Variants in CDH13 observed in about 807,000 individuals in gnomAD.
CDH13 encodes cadherin 13.
A neutral mutation model predicts 63.8 loss-of-function variants in CDH13; 24 were observed. That is an observed-to-expected ratio of 0.38 (90% CI 0.27 to 0.53). CDH13 has a LOEUF of 0.53. Among genes scored for constraint, CDH13 ranks in the 20% least tolerant of loss-of-function variants. The probability of loss-of-function intolerance (pLI) is 0.85; values close to 1 mark genes in which losing one functional copy is unlikely to be tolerated. For synonymous variants in CDH13, 503 were observed against 355.3 expected (o/e 1.42, Z -4.67); for missense variants, 1,049 against 903.1 (o/e 1.16, Z -2.07).
At chr16:82,673,616 A>G (rs1913553110) in intron 1 of CDH13, among the ~76,000 whole-genome samples, 1 of 152,246 alleles carries the variant, frequency 6.6e-6, no homozygotes, top group Admixed American at 6.5e-5. Context: ...ACAGCACAAC[A>G]AAAAGGTTTT....
chr16:83,674,419 C>A lies in CDH13; in HGVS notation c.1284+3447C>A, dbSNP rs150143566. The stretch of plus-strand genomic sequence containing the variant: ...AATGAGAGAAGGTGCTCTTATGAGA[C>A]CCTCTCCTCTTATCGGGGCAGAAAA... On this transcript the variant is annotated intron_variant, in intron 9 of 13. Coordinates refer to ENST00000567109, the MANE Select transcript of CDH13 (RefSeq NM_001257.5). Among the ~76,000 whole-genome samples the A allele has an allele frequency of 3.5e-3, 526 of 152,320 alleles. 6 individuals carry two copies. The highest frequency in any genetic ancestry group is 0.012 in the African/African-American group (497 of 41,580).
At chr16:83,222,426 G>A (rs1359228862) in intron 5 of CDH13, among the ~76,000 whole-genome samples, 7 of 152,164 alleles carry the variant, frequency 4.6e-5, no homozygotes, top group Non-Finnish European at 1.5e-5. Context: ...GCCGTCATGC[G>A]GAAATAGGTG....
chr16:82,748,880 C>CT, intron 1 of CDH13, among the ~76,000 whole-genome samples: 1 of 152,150 alleles, frequency 6.6e-6, no homozygotes, highest in Non-Finnish European at 1.5e-5. Flanking sequence ...AAATATGTGC[C>CT]TTGGTCATCC....
chr16:83,075,605 A>G (rs564399785), intron 3 of CDH13, among the ~76,000 whole-genome samples: 2 of 152,210 alleles, frequency 1.3e-5, no homozygotes, highest in African/African-American at 4.8e-5. Context: ...ATGAACTTTG[A>G]TGTTCTGTGT....
Position 83,161,267 on chromosome 16 carries a change from T to C in CDH13, c.483+35766T>C, listed in dbSNP as rs140392954. Among the ~76,000 whole-genome samples, 48 of 152,322 alleles carry C rather than the reference T, an allele frequency of 3.2e-4. No homozygotes were observed. The East Asian group carries it at 8.7e-3, about 28-fold the overall frequency. On this transcript the variant is annotated intron_variant, in intron 4 of 13. Coordinates refer to ENST00000567109, the MANE Select transcript of CDH13 (RefSeq NM_001257.5). ...GATTTGAGTAAAAGACAGAGAATCA[T>C]GTCTGTAATCCTAGCACTTTGGGAG... is the stretch of plus-strand genomic sequence containing the variant.
chr16:83,754,132 A>G (rs1020961985), intron 11 of CDH13, among the ~76,000 whole-genome samples: 5 of 152,164 alleles, frequency 3.3e-5, no homozygotes, highest in African/African-American at 9.7e-5. Flanking sequence ...TAAAGGACAG[A>G]GTGAAATCTC....
At chr16:83,616,991 T>C (rs1410372724) in intron 8 of CDH13, among the ~76,000 whole-genome samples, 1 of 152,194 alleles carries the variant, frequency 6.6e-6, no homozygotes, top group Non-Finnish European at 1.5e-5. Flanking sequence ...AATTTATCCT[T>C]CACCACCCAA....
chr16:83,303,926 A>G (rs2089811489), intron 5 of CDH13, among the ~76,000 whole-genome samples: 2 of 152,186 alleles, frequency 1.3e-5, no homozygotes, highest in Non-Finnish European at 2.9e-5. Flanking sequence ...CACAATGACC[A>G]GGGAAGGTTT....
intron 13 of CDH13, among the ~76,000 whole-genome samples, chr16:83,785,740 G>C (rs1915836919): frequency 6.6e-6 from 1 of 152,064 alleles, no homozygotes; most frequent in Non-Finnish European, 1.5e-5. Context: ...GAAGCACCTG[G>C]GGAACTTTTA....
At chr16:82,915,000 T>G (rs1056764060) in intron 2 of CDH13, among the ~76,000 whole-genome samples, 13 of 152,204 alleles carry the variant, frequency 8.5e-5, no homozygotes, top group African/African-American at 3.1e-4. Flanking sequence ...GAAGCCAGTG[T>G]TAAATTTGCA....
chr16:83,008,718 G>A (rs1913806036), intron 2 of CDH13, among the ~76,000 whole-genome samples: 1 of 152,164 alleles, frequency 6.6e-6, no homozygotes, highest in Admixed American at 6.5e-5. Flanking sequence ...AGATCATGGT[G>A]GCCTGTGCCA....
chr16:82,658,649 G>C (rs953293172), intron 1 of CDH13, among the ~76,000 whole-genome samples: 1 of 152,072 alleles, frequency 6.6e-6, no homozygotes, highest in Non-Finnish European at 1.5e-5. Context: ...GATCTCCAAG[G>C]GTGGTTGCGT....
chr16:83,177,151 G>A (rs956337477), intron 4 of CDH13, among the ~76,000 whole-genome samples: 1 of 152,184 alleles, frequency 6.6e-6, no homozygotes, highest in Non-Finnish European at 1.5e-5. Flanking sequence ...ATAGCCACAT[G>A]TGGCTAGTGG....
chr16:83,525,220 A>T (rs2074934035), intron 7 of CDH13, among the ~76,000 whole-genome samples: 1 of 152,188 alleles, frequency 6.6e-6, no homozygotes, highest in Non-Finnish European at 1.5e-5. Flanking sequence ...CGGATTGACC[A>T]GGCACCTGAA....
At chr16:83,329,215 G>T (rs762339896) in intron 5 of CDH13, among the ~76,000 whole-genome samples, 25 of 151,964 alleles carry the variant, frequency 1.6e-4, no homozygotes, top group African/African-American at 4.8e-5. Flanking sequence ...CAAATTAAAG[G>T]GTTTCTTGTT....
intron 1 of CDH13, among the ~76,000 whole-genome samples, chr16:82,714,737 AAAG>A (rs2032233386): frequency 1.4e-5 from 2 of 144,422 alleles, no homozygotes; most frequent in Non-Finnish European, 3.0e-5. Context: ...AAAAAAAAAA[AAAG>A]ACACAACGAC....
At chr16:82,868,171 G>A (rs2040217692) in intron 2 of CDH13, among the ~76,000 whole-genome samples, 1 of 152,200 alleles carries the variant, frequency 6.6e-6, no homozygotes, top group South Asian at 2.1e-4. Context: ...CTGTTGCGAT[G>A]TGCCAAGGAA....
In CDH13 at chr16:83,524,739, A is replaced by G. The variant is rs556062665; in HGVS notation, c.960+38084A>G. ...AGTGCTGGGATTACAGGTGTGAGCCACCTCGCCCGGCCAAATTGCATGTCT... is the reference window on the plus strand; with the variant it reads ...AGTGCTGGGATTACAGGTGTGAGCCGCCTCGCCCGGCCAAATTGCATGTCT... On this transcript the variant is annotated intron_variant, in intron 7 of 13. Transcript: ENST00000567109. Among the ~76,000 whole-genome samples the G allele has an allele frequency of 1.6e-3, 238 of 152,076 alleles. 2 individuals carry two copies. The highest frequency in any genetic ancestry group is 5.5e-3 in the African/African-American group (227 of 41,490).
At chr16:83,124,721 G>C (rs2035735031) in intron 3 of CDH13, among the ~76,000 whole-genome samples, 1 of 151,946 alleles carries the variant, frequency 6.6e-6, no homozygotes, top group Non-Finnish European at 1.5e-5. Context: ...TTCACTCTTA[G>C]GTATATGATT....
Sources: allele counts gnomAD v4.1 joint callset (sites outside exome capture counted in the v4.1 genomes callset), GRCh38; gene constraint gnomAD v4.1.1; transcripts MANE v1.5; gene names NCBI Gene and HGNC (gene_info 2026-07-23, HGNC 2026-07-21).